The following KDM2A variants were observed in gnomAD, a reference collection of about 807,000 sequenced individuals.
KDM2A encodes the protein lysine demethylase 2A.
A neutral mutation model predicts 137.3 loss-of-function variants in KDM2A; 3 were observed. That is an observed-to-expected ratio of 0.02 (90% confidence interval 0.01 to 0.06). KDM2A has a LOEUF of 0.06. Ranked by LOEUF, KDM2A falls within the 10% of genes least tolerant of loss-of-function variation. The pLI is 1.00. For missense variants in KDM2A, 738 were observed against 1,510.6 expected (o/e 0.49, Z 8.48); for synonymous variants, 512 against 541.5 (o/e 0.95, Z 0.76).
intron 2 of KDM2A, among the ~76,000 whole-genome samples, chr11:67,177,506 A>G (rs913391926): frequency 1.3e-5 from 2 of 152,062 alleles, no homozygotes; most frequent in South Asian, 4.1e-4. Context: ...ATAAACATAC[A>G]CATCAGCCTG....
chr11:67,255,190 T>A lies in KDM2A; in HGVS notation c.*135T>A. 1 of 759,030 alleles carries A rather than the reference T, an allele frequency of 1.3e-6. No individual in the cohort carries two copies. Among genetic ancestry groups the A allele is most frequent in the Non-Finnish European group, 2.1e-6 (1 of 473,128 alleles). The allele number at this position is 759,030 out of a possible 1,614,324, so 47.0% of individuals were successfully genotyped here. On this transcript the variant is annotated 3_prime_UTR_variant, in exon 21 of 21. Transcript: ENST00000529006. The stretch of plus-strand genomic sequence containing the variant: ...TCTGCTCTCCTGTCCCTTGAGCCCT[T>A]CCTCTACAGGTGGGGCAGAGAGGGT...
At chr11:67,219,229 G>A (rs1858262000) in intron 9 of KDM2A, 59 bp from the exon 10 acceptor site, 6 of 786,320 alleles carry the variant, frequency 7.6e-6, no homozygotes, top group Non-Finnish European at 1.2e-5. Context: ...CTAGTTCTCT[G>A]AGAGAGACTT....
intron 2 of KDM2A, among the ~76,000 whole-genome samples, chr11:67,174,239 C>CT (rs1417708544): frequency 6.6e-6 from 1 of 152,154 alleles, no homozygotes; most frequent in African/African-American, 2.4e-5. Flanking sequence ...GCCTGGGCGA[C>CT]AGAGTAAGAC....
At chr11:67,186,037 A>G (rs1857197427) in intron 5 of KDM2A, among the ~76,000 whole-genome samples, 1 of 152,138 alleles carries the variant, frequency 6.6e-6, no homozygotes, top group Non-Finnish European at 1.5e-5. Flanking sequence ...TACACATTAT[A>G]GAAGTACCAG....
At chr11:67,143,778 G>A (rs1342257851) in intron 2 of KDM2A, among the ~76,000 whole-genome samples, 3 of 150,440 alleles carry the variant, frequency 2.0e-5, no homozygotes, top group Non-Finnish European at 3.0e-5. Flanking sequence ...GATTACAGGC[G>A]TGTGCCACCA....
At chr11:67,231,131 A>G (rs1565415920) in intron 11 of KDM2A, among the ~76,000 whole-genome samples, 1 of 151,900 alleles carries the variant, frequency 6.6e-6, no homozygotes, top group Non-Finnish European at 1.5e-5. Flanking sequence ...TAATTTTTTT[A>G]ATGTAGAGAT....
intron 12 of KDM2A, among the ~76,000 whole-genome samples, chr11:67,235,157 A>G (rs956506815): frequency 6.6e-6 from 1 of 151,660 alleles, no homozygotes; most frequent in Non-Finnish European, 1.5e-5. Context: ...AAAAAAAAAA[A>G]AAAGAAAAAA....
intron 11 of KDM2A, among the ~76,000 whole-genome samples, chr11:67,230,002 C>A (rs995865109): frequency 1.3e-5 from 2 of 152,026 alleles, no homozygotes; most frequent in Admixed American, 6.6e-5. Flanking sequence ...TGGTGAAACC[C>A]CGTCTCTACT....
intron 2 of KDM2A, among the ~76,000 whole-genome samples, chr11:67,151,807 T>A (rs655168): frequency 2.0e-5 from 3 of 152,022 alleles, no homozygotes; most frequent in Non-Finnish European, 4.4e-5. Flanking sequence ...GTAGTATGGC[T>A]TTATCTAGCT....
chr11:67,212,826 C>G (rs1316752226), intron 6 of KDM2A, among the ~76,000 whole-genome samples: 2 of 152,008 alleles, frequency 1.3e-5, no homozygotes, highest in Non-Finnish European at 2.9e-5. Context: ...GTTCCTCTCC[C>G]TATTCAGACA....
At chr11:67,253,659 T>C in intron 19 of KDM2A, 48 bp downstream of exon 19, 1 of 1,594,348 alleles carries the variant, frequency 6.3e-7, no homozygotes, top group Non-Finnish European at 8.6e-7. Context: ...GGTAGCTTTG[T>C]CTTCCAAACA....
rs201135588 is a variant in KDM2A, at chr11:67,217,708, G to A, written c.688-23G>A. ...TGGGTCATGTCAATGGCTGTTAACA[G>A]ACTAAAGTTTTTTAACTCACAGGTC... On this transcript the variant is annotated intron_variant, in intron 8 of 20. Coordinates refer to ENST00000529006, the MANE Select transcript of KDM2A (RefSeq NM_012308.3). 1,028 of 1,612,146 alleles carry A rather than the reference G, an allele frequency of 6.4e-4. 2 individuals are homozygous for A. Among genetic ancestry groups the A allele is most frequent in the Non-Finnish European group, 7.8e-4 (925 of 1,178,986 alleles).
chr11:67,244,837 T>A (rs1799765994), intron 13 of KDM2A, among the ~76,000 whole-genome samples: 1 of 151,802 alleles, frequency 6.6e-6, no homozygotes. Context: ...TACAAAAAAA[T>A]TAGCTGGGCA....
At chr11:67,175,427 G>C (rs1245436942) in intron 2 of KDM2A, among the ~76,000 whole-genome samples, 1 of 152,136 alleles carries the variant, frequency 6.6e-6, no homozygotes, top group African/African-American at 2.4e-5. Flanking sequence ...CAGAGACTCT[G>C]TCTCCGAAAA....
At chr11:67,153,400 G>C (rs1306265036) in intron 2 of KDM2A, among the ~76,000 whole-genome samples, 1 of 152,212 alleles carries the variant, frequency 6.6e-6, no homozygotes, top group South Asian at 2.1e-4. Context: ...AGACACCCTG[G>C]CTCCCAAAGA....
At chr11:67,145,794 G>C (rs191651521) in intron 2 of KDM2A, among the ~76,000 whole-genome samples, 16 of 150,936 alleles carry the variant, frequency 1.1e-4, no homozygotes, top group Non-Finnish European at 1.6e-4. Context: ...TGCGTATGCT[G>C]TTCTTTCTGA....
chr11:67,205,319 A>G (rs908723843), intron 5 of KDM2A, among the ~76,000 whole-genome samples: 2 of 152,104 alleles, frequency 1.3e-5, no homozygotes, highest in African/African-American at 4.8e-5. Context: ...CTAGTAATAT[A>G]TATATTCTGC....
At chr11:67,203,464 T>TCATC (rs151303515) in intron 5 of KDM2A, among the ~76,000 whole-genome samples, 4 of 147,102 alleles carry the variant, frequency 2.7e-5, no homozygotes. Context: ...TATTTATTAA[T>TCATC]TATTAATAAT....
Position 67,250,595 on chromosome 11 carries a change from AGAGGAG to A in KDM2A, c.2571_2576del (p.Glu865_Glu866del), listed in dbSNP as rs760763015. 3.8e-5 allele frequency: 62 copies of A among 1,611,240 alleles called. No individual in the cohort carries two copies. Among genetic ancestry groups the A allele is most frequent in the Non-Finnish European group, 5.1e-5 (60 of 1,178,482 alleles). ...GTGGGGATGAGGAGGGGCTGGGGGGAGAGGAGGAGGAAGAGGAGGAGGAGGAGGAGG... is the reference window on the plus strand; with the variant it reads ...GTGGGGATGAGGAGGGGCTGGGGGGAGAGGAAGAGGAGGAGGAGGAGGAGG... On this transcript the variant is annotated inframe_deletion, in exon 17 of 21. Transcript: ENST00000529006. This position sits in a 1 kb window ranked among gnomAD's most constrained non-coding sequence, Gnocchi z 7.1.
Sources: allele counts gnomAD v4.1 joint callset (sites outside exome capture counted in the v4.1 genomes callset), GRCh38; gene constraint gnomAD v4.1.1; non-coding constraint Gnocchi (gnomAD v3.1); transcripts MANE v1.5; gene names NCBI Gene and HGNC (gene_info 2026-07-23, HGNC 2026-07-21).